The following GTF3C4 variants were observed in gnomAD, a reference collection of about 807,000 sequenced individuals.
GTF3C4 encodes general transcription factor 3C polypeptide 4.
A neutral mutation model predicts 67.5 loss-of-function variants in GTF3C4; 28 were observed. The observed-to-expected ratio is 0.41, with a 90% CI of 0.31 to 0.57. The LOEUF (loss-of-function observed/expected upper bound fraction) is 0.57, where lower values mean the gene tolerates loss of function less well. Among genes scored for constraint, GTF3C4 ranks in the 20% least tolerant of loss-of-function variants. The probability of loss-of-function intolerance (pLI) is 0.21; values close to 1 mark genes in which losing one functional copy is unlikely to be tolerated. For synonymous variants in GTF3C4, 409 were observed against 393.0 expected (o/e 1.04, Z -0.48); for missense variants, 831 against 1,033.2 (o/e 0.80, Z 2.68).
rs1835688539 is a variant in GTF3C4, at chr9:132,670,475, G to C, written c.-124G>C. 1 of 993,382 alleles carries C rather than the reference G, an allele frequency of 1.0e-6. No homozygotes were observed. Among genetic ancestry groups the C allele is most frequent in the Non-Finnish European group, 1.4e-6 (1 of 730,160 alleles). The allele number at this position is 993,382 out of a possible 1,614,324, so 61.5% of individuals were successfully genotyped here. ...ACGGCGGGGTCCTTCTTGGCTCGGC[G>C]GCGCTCGGGGCCTGAGGGGAGAAAA... On this transcript the variant is annotated 5_prime_UTR_variant, in exon 1 of 5. Transcript: ENST00000372146.
chr9:132,686,492 C>T (rs1472430795), intron 3 of GTF3C4, among the ~76,000 whole-genome samples: 1 of 152,094 alleles, frequency 6.6e-6, no homozygotes, highest in Non-Finnish European at 1.5e-5. Context: ...CTTAGTTGCT[C>T]ACCTGAAAAC....
In GTF3C4 at chr9:132,679,424, A is replaced by C. The variant is rs1294771949; in HGVS notation, c.1805A>C (p.Glu602Ala). ...GAAGCCTTGTGGAAACCCACCCATGAGGACTCAAAAATCTTACTAGTGGAT... is the reference window on the plus strand; with the variant it reads ...GAAGCCTTGTGGAAACCCACCCATGCGGACTCAAAAATCTTACTAGTGGAT... ...PSEALWKPTH[E>A]DSKILLVDSP... The change falls in exon 2 of 5, where the codon GAG (glutamate) becomes GCG (alanine). Residue 602 changes from glutamate to alanine, a missense_variant. Transcript: ENST00000372146. The surrounding 1 kb of genome is among the most constrained non-coding windows in gnomAD (Gnocchi z 5.9). 3.7e-6 allele frequency: 6 copies of C among 1,614,100 alleles called. No individual in the cohort carries two copies. The African/African-American group carries it at 6.7e-5, about 18-fold the overall frequency.
At chr9:132,677,667 T>G (rs931924838) in intron 1 of GTF3C4, among the ~76,000 whole-genome samples, 8 of 152,232 alleles carry the variant, frequency 5.3e-5, no homozygotes, top group African/African-American at 1.9e-4. Context: ...GTCAATGAAA[T>G]TTCAGATAAA....
intron 4 of GTF3C4, among the ~76,000 whole-genome samples, chr9:132,688,456 CGAG>C (rs1417915430): frequency 6.6e-6 from 1 of 152,128 alleles, no homozygotes; most frequent in East Asian, 1.9e-4. Context: ...AGATGAAAGA[CGAG>C]GAGGATTTGA....
chr9:132,682,595 C>CTTTTTTTT (rs34962674), intron 2 of GTF3C4, among the ~76,000 whole-genome samples: 9 of 92,574 alleles, frequency 9.7e-5, no homozygotes, highest in African/African-American at 3.5e-4. Context: ...ACAGTATAAT[C>CTTTTTTTT]TTTTTTTTTT....
rs1021281839 is a variant in GTF3C4 at position 132,693,728 on chromosome 9, C to T, written c.*4783C>T. 6.6e-6 allele frequency: 1 copy of T among 151,936 alleles called. No individual in the cohort carries two copies. The highest frequency in any genetic ancestry group is 1.5e-5 in the Non-Finnish European group (1 of 67,986). The allele number at this position is 151,936 out of a possible 1,614,324, so 9.4% of individuals were successfully genotyped here. ...TGGCTTTGAGGCATTTCATACTTTACCAGTTTACATTTGGCTAGCAGACTG... is the reference window on the plus strand; with the variant it reads ...TGGCTTTGAGGCATTTCATACTTTATCAGTTTACATTTGGCTAGCAGACTG... On this transcript the variant is annotated 3_prime_UTR_variant, in exon 5 of 5. Coordinates refer to ENST00000372146, the MANE Select transcript of GTF3C4 (RefSeq NM_012204.4).
Position 132,670,476 on chromosome 9 carries a change from G to A in GTF3C4, c.-123G>A. On this transcript the variant is annotated 5_prime_UTR_variant, in exon 1 of 5. Coordinates refer to ENST00000372146, the MANE Select transcript of GTF3C4 (RefSeq NM_012204.4). ...CGGCGGGGTCCTTCTTGGCTCGGCGGCGCTCGGGGCCTGAGGGGAGAAAAC... is the reference window on the plus strand; with the variant it reads ...CGGCGGGGTCCTTCTTGGCTCGGCGACGCTCGGGGCCTGAGGGGAGAAAAC... 3.0e-6 allele frequency: 3 copies of A among 998,806 alleles called. No individual in the cohort carries two copies. Among genetic ancestry groups the A allele is most frequent in the East Asian group, 3.2e-5 (1 of 31,396 alleles). 61.9% of individuals were successfully genotyped at this position (998,806 alleles called of 1,614,324 possible).
At chr9:132,674,450 A>G (rs1299838466) in intron 1 of GTF3C4, among the ~76,000 whole-genome samples, 1 of 152,226 alleles carries the variant, frequency 6.6e-6, no homozygotes, top group Non-Finnish European at 1.5e-5. Context: ...CAAGATCTGT[A>G]CTGCTCTCCA....
intron 4 of GTF3C4, among the ~76,000 whole-genome samples, chr9:132,688,390 T>C (rs1836062480): frequency 6.6e-6 from 1 of 152,216 alleles, no homozygotes; most frequent in African/African-American, 2.4e-5. Flanking sequence ...TTAAAGCTTT[T>C]GAGAAGAATG....
At chr9:132,685,014 ATTT>A (rs3041416) in intron 3 of GTF3C4, among the ~76,000 whole-genome samples, 10 of 135,408 alleles carry the variant, frequency 7.4e-5, no homozygotes, top group Admixed American at 4.5e-4. Flanking sequence ...AAATTTTTTA[ATTT>A]TTTTTTTTTT....
chr9:132,687,376 C>T (rs752248046), intron 4 of GTF3C4, 49 bp downstream of exon 4: 2 of 1,005,448 alleles, frequency 2.0e-6, no homozygotes, highest in East Asian at 2.4e-5. Flanking sequence ...AACATGCTGG[C>T]AGAGGGCCAG....
intron 3 of GTF3C4, 26 bp downstream of exon 3, chr9:132,683,719 TC>T (rs1835982857): frequency 6.3e-7 from 1 of 1,591,864 alleles, no homozygotes; most frequent in Non-Finnish European, 8.5e-7. Context: ...AGTTTCTACT[TC>T]TGCTCATTTT....
rs1836122377 is a variant in GTF3C4 at position 132,692,019 on chromosome 9, A to C, written c.*3074A>C. 1 of 152,216 alleles carries C rather than the reference A, an allele frequency of 6.6e-6. No individual in the cohort carries two copies. The highest frequency in any genetic ancestry group is 1.5e-5 in the Non-Finnish European group (1 of 68,044). 9.4% of individuals were successfully genotyped at this position (152,216 alleles called of 1,614,324 possible). A position where few individuals can be genotyped will look rare whatever the true frequency, so the allele number is the denominator to read the frequency against. On this transcript the variant is annotated 3_prime_UTR_variant, in exon 5 of 5. Transcript: ENST00000372146. ...AGAGAATTACAATACTGGTTTTATG[A>C]GCATCTTTTCTCTGCAACAGTTAAA...
At position 132,688,907 on chromosome 9, in the gene GTF3C4, C is replaced by T; in HGVS notation, c.2431C>T (p.Gln811Ter). Residue 811 changes from glutamine to a stop codon, truncating the protein, a stop_gained, in exon 5 of 5, where the codon CAA becomes TAA. Coordinates refer to ENST00000372146, the MANE Select transcript of GTF3C4 (RefSeq NM_012204.4). LOFTEE classifies it high-confidence loss of function. ...TCCCGACTGGATTAAGAGGTTACTGCAAAGCCCCTGCCCTTTCTGTGATTC... is the reference window on the plus strand; with the variant it reads ...TCCCGACTGGATTAAGAGGTTACTGTAAAGCCCCTGCCCTTTCTGTGATTC... ...EDPDWIKRLLQSPCPFCDSPV... is the reference protein window; with the variant it reads ...EDPDWIKRLL The T allele has an allele frequency of 6.2e-7, 1 of 1,612,912 alleles. No individual in the cohort carries two copies. Among genetic ancestry groups the T allele is most frequent in the Non-Finnish European group, 8.5e-7 (1 of 1,178,864 alleles).
chr9:132,670,682 C>G lies in GTF3C4; in HGVS notation c.84C>G (p.Gly28=). The part of the protein sequence containing the change: ...PSGEEEGEGG[G]EAGGKEPAAD... ...GGGAGGAGGAGGGAGAGGGGGGCGG[C>G]GAGGCGGGCGGGAAGGAGCCAGCAG... Residue 28 remains glycine (G), a synonymous_variant, in exon 1 of 5, where the codon GGC becomes GGG. Coordinates refer to ENST00000372146, the MANE Select transcript of GTF3C4 (RefSeq NM_012204.4). The G allele has an allele frequency of 1.3e-6, 2 of 1,503,386 alleles. No individual in the cohort carries two copies. The highest frequency in any genetic ancestry group is 1.8e-6 in the Non-Finnish European group (2 of 1,132,376). The allele number at this position is 1,503,386 out of a possible 1,614,324, so 93.1% of individuals were successfully genotyped here.
At chr9:132,670,071 G>T, upstream of GTF3C4, 2 of 1,559,796 alleles carry the variant, frequency 1.3e-6, no homozygotes, top group African/African-American at 2.7e-5. Flanking sequence ...GTACGGACTC[G>T]TCCCGAGGGG....
intron 1 of GTF3C4, among the ~76,000 whole-genome samples, chr9:132,673,083 T>C (rs967408834): frequency 5.3e-5 from 8 of 152,212 alleles, no homozygotes; most frequent in African/African-American, 1.9e-4. Context: ...ACTGGGAGGC[T>C]GAGGCAGGAG....
Position 132,670,612 on chromosome 9 carries a change from A to G in GTF3C4, c.14A>G (p.Asp5Gly), listed in dbSNP as rs1315194724. The G allele has an allele frequency of 2.8e-6, 4 of 1,446,970 alleles. No individual in the cohort carries two copies. Among genetic ancestry groups the G allele is most frequent in the East Asian group, 2.6e-5 (1 of 38,012 alleles). 89.6% of individuals were successfully genotyped at this position (1,446,970 alleles called of 1,614,324 possible). A position where few individuals can be genotyped will look rare whatever the true frequency, so the allele number is the denominator to read the frequency against. Residue 5 changes from aspartate (D) to glycine (G), a missense_variant, in exon 1 of 5, where the codon GAC becomes GGC. By Grantham distance (94) the Asp-to-Gly change is moderately conservative (BLOSUM62 -1). Coordinates refer to ENST00000372146, the MANE Select transcript of GTF3C4 (RefSeq NM_012204.4). ...ACCTGAGAGAAGATGAACACGGCCGACCAGGCCCGGGTGGGGCCCGCGGAC... is the reference window on the plus strand; with the variant it reads ...ACCTGAGAGAAGATGAACACGGCCGGCCAGGCCCGGGTGGGGCCCGCGGAC... MNTA[D>G]QARVGPADDG...
rs542349162 is a variant in GTF3C4, at chr9:132,693,720, A to C, written c.*4775A>C. 2 of 152,314 alleles carry C rather than the reference A, an allele frequency of 1.3e-5. No individual in the cohort carries two copies. Among genetic ancestry groups the C allele is most frequent in the African/African-American group, 4.8e-5 (2 of 41,574 alleles). The allele number at this position is 152,314 out of a possible 1,614,324, so 9.4% of individuals were successfully genotyped here. ...GATAATGATGGCTTTGAGGCATTTC[A>C]TACTTTACCAGTTTACATTTGGCTA... On this transcript the variant is annotated 3_prime_UTR_variant, in exon 5 of 5. Coordinates refer to ENST00000372146, the MANE Select transcript of GTF3C4 (RefSeq NM_012204.4).
Sources: allele counts gnomAD v4.1 joint callset (sites outside exome capture counted in the v4.1 genomes callset), GRCh38; gene constraint gnomAD v4.1.1; non-coding constraint Gnocchi (gnomAD v3.1); transcripts MANE v1.5; gene names NCBI Gene and HGNC (gene_info 2026-07-23, HGNC 2026-07-21).